Variants in PCM1 observed in about 807,000 individuals in gnomAD.
The protein encoded by PCM1 is pericentriolar material 1 protein.
Under a neutral mutation model 241.9 loss-of-function variants are expected in PCM1, and 157 were observed. The ratio of observed to expected loss-of-function variants is 0.65; its 90% CI spans 0.57 to 0.74. The LOEUF (loss-of-function observed/expected upper bound fraction) is 0.74. Among genes scored for constraint, PCM1 ranks in the 30% least tolerant of loss-of-function variants. The probability of loss-of-function intolerance (pLI) is 0.00; values close to 1 mark genes in which losing one functional copy is unlikely to be tolerated. For synonymous variants in PCM1, 1,085 were observed against 784.9 expected (o/e 1.38, Z -6.39); for missense variants, 3,478 against 2,360.1 (o/e 1.47, Z -9.81).
chr8:17,932,442 A>G (rs2129447748), intron 2 of PCM1, among the ~76,000 whole-genome samples: 1 of 152,258 alleles, frequency 6.6e-6, no homozygotes, highest in Non-Finnish European at 1.5e-5. Context: ...TTAGGATTAG[A>G]TAATATGTAA....
intron 36 of PCM1, among the ~76,000 whole-genome samples, chr8:18,018,494 C>T (rs2093433350): frequency 6.6e-6 from 1 of 152,184 alleles, no homozygotes; most frequent in Non-Finnish European, 1.5e-5. Flanking sequence ...TTTAATAAAA[C>T]AATTCCTTGT....
intron 15 of PCM1, among the ~76,000 whole-genome samples, chr8:17,961,333 C>T (rs1419449914): frequency 2.5e-4 from 16 of 65,088 alleles, no homozygotes; most frequent in East Asian, 1.2e-3. Context: ...TTTTTTGAGA[C>T]GGAGTCTCGC....
At chr8:17,969,988 A>G (rs981381371) in intron 22 of PCM1, among the ~76,000 whole-genome samples, 3 of 152,136 alleles carry the variant, frequency 2.0e-5, no homozygotes, top group Non-Finnish European at 4.4e-5. Flanking sequence ...TTTGTCTCTA[A>G]TTTGATACCT....
At chr8:17,928,724 C>T (rs1276946906) in intron 2 of PCM1, among the ~76,000 whole-genome samples, 3 of 149,160 alleles carry the variant, frequency 2.0e-5, no homozygotes, top group Non-Finnish European at 3.0e-5. Flanking sequence ...CTCTGCCTCC[C>T]GGGTTCAAAC....
rs2074807295 is a variant in PCM1 at position 17,966,189 on chromosome 8, A to G, written c.3046A>G (p.Ile1016Val). Residue 1016 changes from isoleucine to valine, a missense_variant, in exon 19 of 39, where the codon ATT (isoleucine) becomes GTT (valine). Ile to Val is a conservative substitution (Grantham distance 29). Coordinates refer to ENST00000325083, the MANE Select transcript of PCM1 (RefSeq NM_006197.4). Reference sequence around the variant, plus strand: ...GAAACAGCTTGATTTTAGTGTCAGTATTTGTCAGACTTTGATGCAAGACCA... The same window carrying G: ...GAAACAGCTTGATTTTAGTGTCAGTGTTTGTCAGACTTTGATGCAAGACCA... The part of the protein sequence containing the change: ...LKKQLDFSVS[I>V]CQTLMQDQQT... 2.5e-6 allele frequency: 4 copies of G among 1,613,858 alleles called. No individual in the cohort carries two copies. Among genetic ancestry groups the G allele is most frequent in the Non-Finnish European group, 3.4e-6 (4 of 1,179,770 alleles).
chr8:17,945,020 A>G (rs1464855694), intron 6 of PCM1, among the ~76,000 whole-genome samples: 1 of 152,154 alleles, frequency 6.6e-6, no homozygotes, highest in Non-Finnish European at 1.5e-5. Flanking sequence ...ATGCTTTGCT[A>G]GAGGAGTATT....
chr8:18,009,723 G>A lies in PCM1; in HGVS notation c.5139G>A (p.Val1713=). 7 of 1,466,272 alleles carry A rather than the reference G, an allele frequency of 4.8e-6. No homozygotes were observed. The highest frequency in any genetic ancestry group is 5.4e-6 in the Non-Finnish European group (6 of 1,107,554). 90.8% of individuals were successfully genotyped at this position (1,466,272 alleles called of 1,614,324 possible). A position where few individuals can be genotyped will look rare whatever the true frequency, so the allele number is the denominator to read the frequency against. The change falls in exon 31 of 39, where the codon GTG becomes GTA. Residue 1713 remains valine (V), a synonymous_variant. Transcript: ENST00000325083. ...RCKRKIEATG[V]IQSCAKEAKR... The stretch of plus-strand genomic sequence containing the variant: ...AAAGGAAAATAGAAGCAACTGGAGT[G>A]ATACAATCTTGTGCCAAAGAGGTAA...
intron 14 of PCM1, 22 bp from the exon 15 acceptor site, chr8:17,960,293 T>C: frequency 1.9e-6 from 3 of 1,593,348 alleles, no homozygotes; most frequent in South Asian, 2.3e-5. Flanking sequence ...AGTCCATAAA[T>C]ATAATGTCAA....
chr8:17,969,356 T>A, intron 21 of PCM1: 2 of 433,476 alleles, frequency 4.6e-6, no homozygotes, highest in Non-Finnish European at 8.0e-6. Context: ...CTTTTAGCTC[T>A]TAAGGGAGTG....
intron 36 of PCM1, among the ~76,000 whole-genome samples, chr8:18,017,424 C>T (rs747084111): frequency 6.6e-6 from 1 of 152,160 alleles, no homozygotes; most frequent in Non-Finnish European, 1.5e-5. Flanking sequence ...CATAGCTGAA[C>T]ATTTTGAGAG....
In PCM1 at chr8:17,938,841, T is replaced by A. The variant is rs756875903; in HGVS notation, c.444T>A (p.Ile148=). 7.4e-6 allele frequency: 12 copies of A among 1,613,532 alleles called. No individual in the cohort carries two copies. ...RKPFNFLPMQ[I]NTNKSKDAST... ...CCTTCAACTTTTTGCCTATGCAGAT[T>A]AATACTAACAAGAGCAAAGATGCAT... The change falls in exon 5 of 39, where the codon ATT becomes ATA. Residue 148 remains isoleucine, a synonymous_variant. Transcript: ENST00000325083.
chr8:18,023,817 G>A (rs1035201511), intron 36 of PCM1, among the ~76,000 whole-genome samples: 1 of 152,214 alleles, frequency 6.6e-6, no homozygotes, highest in Non-Finnish European at 1.5e-5. Flanking sequence ...ATTGCCATCA[G>A]GGAAGCTAAC....
intron 2 of PCM1, among the ~76,000 whole-genome samples, chr8:17,930,506 A>T (rs571430412): frequency 6.6e-6 from 1 of 152,246 alleles, no homozygotes; most frequent in South Asian, 2.1e-4. Flanking sequence ...GGTGACATTT[A>T]GGTGGTTAAA....
At chr8:18,025,992 G>A (rs939917917) in intron 38 of PCM1, among the ~76,000 whole-genome samples, 7 of 151,260 alleles carry the variant, frequency 4.6e-5, no homozygotes, top group Non-Finnish European at 8.8e-5. Flanking sequence ...GTGAAACCCC[G>A]TCTCTACTAA....
At chr8:17,961,574 G>C (rs894914755) in intron 15 of PCM1, among the ~76,000 whole-genome samples, 1 of 152,160 alleles carries the variant, frequency 6.6e-6, no homozygotes, top group Non-Finnish European at 1.5e-5. Flanking sequence ...GCCTCCTGAA[G>C]TGTTGGGATT....
intron 36 of PCM1, among the ~76,000 whole-genome samples, chr8:18,020,404 CAT>C (rs1157208064): frequency 6.6e-6 from 1 of 152,176 alleles, no homozygotes; most frequent in Non-Finnish European, 1.5e-5. Context: ...TCAGATCCAA[CAT>C]GTCTTAATAA....
chr8:17,997,843 G>A (rs1033651943), intron 29 of PCM1, among the ~76,000 whole-genome samples: 29 of 150,806 alleles, frequency 1.9e-4, no homozygotes, highest in Non-Finnish European at 3.1e-4. Context: ...TGGCCAACAC[G>A]GTGAAACCCC....
At chr8:17,952,745 T>A (rs539141879) in intron 8 of PCM1, among the ~76,000 whole-genome samples, 22 of 152,260 alleles carry the variant, frequency 1.4e-4, no homozygotes, top group Non-Finnish European at 2.1e-4. Context: ...CAGGGGTCCT[T>A]GAACCAATCC....
At chr8:17,944,817 G>A (rs1266096108) in intron 6 of PCM1, among the ~76,000 whole-genome samples, 1 of 152,042 alleles carries the variant, frequency 6.6e-6, no homozygotes, top group African/African-American at 2.4e-5. Context: ...TTATTAAGTA[G>A]TAATATTTCA....
Sources: gnomAD v4.1 joint callset for allele counts (sites outside exome capture counted in the v4.1 genomes callset) on GRCh38, gnomAD v4.1.1 for gene constraint, MANE v1.5 for transcripts, NCBI Gene and HGNC (gene_info 2026-07-23, HGNC 2026-07-21) for gene names.